Variants in HDAC9 observed in about 807,000 individuals in gnomAD.
HDAC9 encodes histone deacetylase 9, also known as MEF-2 interacting transcription repressor (MITR) protein.
HDAC9 carries 41 observed loss-of-function variants against 139.4 expected under a neutral mutation model. The ratio of observed to expected loss-of-function variants is 0.29; its 90% CI spans 0.23 to 0.38. HDAC9 has a LOEUF of 0.38. HDAC9 is among the 10% of genes least tolerant of loss of function. The pLI is 1.00. For missense variants in HDAC9, 1,147 were observed against 1,297.0 expected, an observed-to-expected ratio of 0.88 and a Z score of 1.78; for synonymous variants, 517 against 476.2, an observed-to-expected ratio of 1.09 and a Z score of -1.12.
chr7:18,609,659 G>A (rs1836537850), intron 6 of HDAC9, among the ~76,000 whole-genome samples: 1 of 151,862 alleles, frequency 6.6e-6, no homozygotes, highest in Admixed American at 6.6e-5. Flanking sequence ...ACTTTAAGTT[G>A]TAGGGTACAT....
intron 16 of HDAC9, among the ~76,000 whole-genome samples, chr7:18,790,423 C>CAAAA (rs1256666750): frequency 4.3e-5 from 2 of 47,018 alleles, no homozygotes; most frequent in South Asian, 7.8e-4. Context: ...GAGGATGTAG[C>CAAAA]AGATGTGGCC....
chr7:18,461,177 GA>G (rs202132458), intron 1 of HDAC9, among the ~76,000 whole-genome samples: 1 of 151,498 alleles, frequency 6.6e-6, no homozygotes, highest in Non-Finnish European at 1.5e-5. Context: ...TTTTCAGTCA[GA>G]AAAAAAAGGC....
At chr7:18,843,535 A>T (rs1285205215) in intron 21 of HDAC9, among the ~76,000 whole-genome samples, 1 of 152,072 alleles carries the variant, frequency 6.6e-6, no homozygotes, top group African/African-American at 2.4e-5. Context: ...GTTCTAGTGA[A>T]TATTTTAGAA....
chr7:18,929,915 G>A (rs959827850), intron 22 of HDAC9, among the ~76,000 whole-genome samples: 7 of 151,330 alleles, frequency 4.6e-5, no homozygotes, highest in Non-Finnish European at 8.8e-5. Flanking sequence ...CTCTAGCCCA[G>A]GTGACACAGC....
At chr7:18,922,006 C>T (rs900360843) in intron 22 of HDAC9, among the ~76,000 whole-genome samples, 1 of 142,822 alleles carries the variant, frequency 7.0e-6, no homozygotes, top group African/African-American at 2.6e-5. Flanking sequence ...CATATTCTCA[C>T]TCATAGGTTG....
chr7:18,235,138 GA>G (rs1481293640), intron 2 of HDAC9, among the ~76,000 whole-genome samples: 1 of 152,104 alleles, frequency 6.6e-6, no homozygotes, highest in African/African-American at 2.4e-5. Context: ...CACTGCTGCA[GA>G]TAAAGGAGTA....
chr7:18,362,496 TA>T (rs1261098592), intron 1 of HDAC9, among the ~76,000 whole-genome samples: 1 of 152,130 alleles, frequency 6.6e-6, no homozygotes, highest in Admixed American at 6.6e-5. Flanking sequence ...AAAGGCATTA[TA>T]AAAAATAAAT....
At chr7:18,747,631 G>T (rs769596498) in intron 13 of HDAC9, among the ~76,000 whole-genome samples, 2 of 152,204 alleles carry the variant, frequency 1.3e-5, no homozygotes, top group Non-Finnish European at 2.9e-5. Context: ...GGGGAAGTGT[G>T]TAAGTAAGCT....
intron 11 of HDAC9, among the ~76,000 whole-genome samples, chr7:18,662,489 G>A (rs1397297785): frequency 6.6e-6 from 1 of 152,070 alleles, no homozygotes; most frequent in Non-Finnish European, 1.5e-5. Context: ...TTCCAGCAGA[G>A]AGGGGATCTG....
At chr7:18,760,579 G>C (rs1789295992) in intron 14 of HDAC9, among the ~76,000 whole-genome samples, 1 of 152,002 alleles carries the variant, frequency 6.6e-6, no homozygotes, top group African/African-American at 2.4e-5. Flanking sequence ...ATTTGAATTG[G>C]GTTAGACAAT....
At chr7:18,937,764 T>C (rs1781745348) in intron 23 of HDAC9, among the ~76,000 whole-genome samples, 1 of 152,204 alleles carries the variant, frequency 6.6e-6, no homozygotes, top group African/African-American at 2.4e-5. Flanking sequence ...CATGGATAAT[T>C]GACCTAGCCA....
chr7:18,192,941 G>A (rs1376905819), intron 2 of HDAC9, among the ~76,000 whole-genome samples: 3 of 152,190 alleles, frequency 2.0e-5, no homozygotes, highest in Non-Finnish European at 4.4e-5. Context: ...TTTTACAGAT[G>A]AGGAAACTGA....
At chr7:18,980,271 A>C (rs1784815361) in intron 25 of HDAC9, among the ~76,000 whole-genome samples, 1 of 152,236 alleles carries the variant, frequency 6.6e-6, no homozygotes, top group Non-Finnish European at 1.5e-5. Flanking sequence ...TTTACAAAAC[A>C]GTGTTTACTT....
At chr7:18,481,353 T>A (rs1465358468) in intron 1 of HDAC9, among the ~76,000 whole-genome samples, 1 of 152,190 alleles carries the variant, frequency 6.6e-6, no homozygotes, top group Non-Finnish European at 1.5e-5. Context: ...GCAATTATTG[T>A]GTTATTGCTG....
intron 1 of HDAC9, among the ~76,000 whole-genome samples, chr7:18,367,424 ACT>A (rs1233837146): frequency 1.3e-5 from 2 of 151,940 alleles, no homozygotes; most frequent in African/African-American, 4.8e-5. Flanking sequence ...ATTGGTAAAG[ACT>A]CTGTAGAAAC....
intron 1 of HDAC9, among the ~76,000 whole-genome samples, chr7:18,436,672 G>A (rs188435387): frequency 6.6e-6 from 1 of 152,276 alleles, no homozygotes; most frequent in Non-Finnish European, 1.5e-5. Flanking sequence ...TCAATAGATG[G>A]TGTTTTCATA....
rs540472730 is a variant in HDAC9 at position 18,964,881 on chromosome 7, T to A, written c.3022+10651T>A. On this transcript the variant is annotated intron_variant, in intron 24 of 25. Transcript: ENST00000686413. Reference sequence around the variant, plus strand: ...GGATTATGAGGATTACAATTCAAGATGAGATTTGGGTGGGGGCACAAAGCC... The same window carrying A: ...GGATTATGAGGATTACAATTCAAGAAGAGATTTGGGTGGGGGCACAAAGCC... Among the ~76,000 whole-genome samples, 9 of 152,282 alleles carry A rather than the reference T, an allele frequency of 5.9e-5. No homozygotes were observed. In the South Asian group the frequency reaches 1.7e-3, roughly 28 times the overall value.
chr7:18,408,588 G>A (rs1788238157), intron 1 of HDAC9, among the ~76,000 whole-genome samples: 1 of 152,072 alleles, frequency 6.6e-6, no homozygotes, highest in African/African-American at 2.4e-5. Flanking sequence ...TGACTAGCTG[G>A]GCTGGGACTG....
intron 2 of HDAC9, among the ~76,000 whole-genome samples, chr7:18,547,473 G>T (rs1384951679): frequency 6.6e-6 from 1 of 152,208 alleles, no homozygotes. Context: ...CTGACCTTGT[G>T]ATCTGCCCTC....
Sources: allele counts gnomAD v4.1 joint callset (sites outside exome capture counted in the v4.1 genomes callset), GRCh38; gene constraint gnomAD v4.1.1; transcripts MANE v1.5; gene names NCBI Gene and HGNC (gene_info 2026-07-23, HGNC 2026-07-21).